The following NCSTN variants were observed in gnomAD, a reference collection of about 807,000 sequenced individuals.
The protein encoded by NCSTN is anterior pharynx-defective 2.
Under a neutral mutation model 87.0 loss-of-function variants are expected in NCSTN, and 22 were observed. The observed-to-expected ratio is 0.25, with a 90% CI of 0.18 to 0.36. The LOEUF is 0.36. Ranked by LOEUF, NCSTN falls within the 10% of genes least tolerant of loss-of-function variation. The pLI is 1.00. For synonymous variants in NCSTN, 306 were observed against 327.1 expected, an observed-to-expected ratio of 0.94 and a Z score of 0.69; for missense variants, 693 against 883.3, an observed-to-expected ratio of 0.78 and a Z score of 2.73.
rs200012785 is a variant in NCSTN at position 160,358,522 on chromosome 1, A to G, written c.*251A>G. The G allele has an allele frequency of 4.1e-4, 225 of 545,822 alleles. 1 individual carries two copies. The highest frequency in any genetic ancestry group is 3.6e-3 in the African/African-American group (190 of 52,718). The allele number at this position is 545,822 out of a possible 1,614,324, so 33.8% of individuals were successfully genotyped here. ...TCTACTCATGCCAGATTTTGGGATT[A>G]CAAATAGAAGCTTCTTGCTCCTGTT... On this transcript the variant is annotated 3_prime_UTR_variant, in exon 17 of 17. Coordinates refer to ENST00000294785, the MANE Select transcript of NCSTN (RefSeq NM_015331.3).
At position 160,356,352 on chromosome 1, in the gene NCSTN, G is replaced by A. The variant is rs1410146351; in HGVS notation, c.1639+5G>A. The A allele has an allele frequency of 1.2e-6, 2 of 1,601,024 alleles. No homozygotes were observed. The highest frequency in any genetic ancestry group is 8.6e-7 in the Non-Finnish European group (1 of 1,168,008). ...AGGACCTAAGGTCCTACTTGGGTAA[G>A]CATCTGGTGTGGGAATGGGACCCTT... On this transcript the variant is annotated splice_donor_5th_base_variant and intron_variant, in intron 14 of 16. Coordinates refer to ENST00000294785, the MANE Select transcript of NCSTN (RefSeq NM_015331.3).
At chr1:160,356,849 A>T in intron 15 of NCSTN, 95 bp downstream of exon 15, 1 of 1,532,458 alleles carries the variant, frequency 6.5e-7, no homozygotes, top group East Asian at 2.3e-5. Flanking sequence ...GGGGATTGGG[A>T]TGGAGAGGTG....
Position 160,358,190 on chromosome 1 carries a change from C to T in NCSTN, c.2049C>T (p.Ser683=), listed in dbSNP as rs1354242230. Residue 683 remains serine (S), a synonymous_variant, in exon 17 of 17, where the codon TCC becomes TCT. Transcript: ENST00000294785. The stretch of plus-strand genomic sequence containing the variant: ...TGGGCTTCGGCATCCTCATCTTCTC[C>T]CTCATCGTCACCTACTGCATCAATG... The part of the protein sequence containing the change: ...LTVGFGILIF[S]LIVTYCINAK... The T allele has an allele frequency of 6.2e-7, 1 of 1,614,178 alleles. No individual in the cohort carries two copies. The highest frequency in any genetic ancestry group is 2.2e-5 in the East Asian group (1 of 44,878).
chr1:160,344,921 TTA>T, intron 2 of NCSTN, 95 bp downstream of exon 2: 1 of 1,046,898 alleles, frequency 9.6e-7, no homozygotes, highest in South Asian at 1.3e-5. Context: ...GATTTGACAC[TTA>T]TATTGGACTG....
intron 16 of NCSTN, 81 bp from the exon 17 acceptor site, chr1:160,358,068 C>T: frequency 6.3e-7 from 1 of 1,599,258 alleles, no homozygotes; most frequent in Non-Finnish European, 8.6e-7. Flanking sequence ...CCCATGGCTC[C>T]AAACCCCAAA....
chr1:160,358,681 G>T lies in NCSTN; in HGVS notation c.*410G>T. ...TTCCTGACTGGGAAGGACATAAAAG[G>T]TTTAATGTCAGGGTCAAACTACATT... On this transcript the variant is annotated 3_prime_UTR_variant, in exon 17 of 17. Transcript: ENST00000294785. 3.3e-6 allele frequency: 1 copy of T among 304,916 alleles called. No homozygotes were observed. The highest frequency in any genetic ancestry group is 6.4e-6 in the Non-Finnish European group (1 of 156,276). The allele number at this position is 304,916 out of a possible 1,614,324, so 18.9% of individuals were successfully genotyped here.
At chr1:160,357,340 A>G (rs1224843943) in intron 16 of NCSTN, 87 bp downstream of exon 16, 23 of 1,333,514 alleles carry the variant, frequency 1.7e-5, no homozygotes, top group Non-Finnish European at 2.4e-5. Flanking sequence ...TCCATCTCCC[A>G]TTTGCCCCAC....
intron 1 of NCSTN, 39 bp downstream of exon 1, chr1:160,343,520 G>A (rs1342277461): frequency 6.4e-7 from 1 of 1,557,056 alleles, no homozygotes; most frequent in Admixed American, 1.9e-5. Context: ...TCTCTAAGGG[G>A]AACTCTCGGA....
intron 10 of NCSTN, chr1:160,353,724 G>A (rs1051289978): frequency 9.1e-6 from 9 of 984,480 alleles, no homozygotes; most frequent in African/African-American, 3.5e-5. Flanking sequence ...CCCTGCTCTG[G>A]ACTCCTGTAG....
rs1455020999 is a variant in NCSTN, at chr1:160,350,145, C to T, written c.477C>T (p.Cys159=). ...CCTATGGGCCAGAGTTTGCTCACTG[C>T]AGAGAAATACAGTGGAATTCGCTGG... ...SNSYGPEFAH[C]REIQWNSLGN... Residue 159 remains cysteine (C), a synonymous_variant, in exon 5 of 17, where the codon TGC becomes TGT. Transcript: ENST00000294785. The T allele has an allele frequency of 6.2e-7, 1 of 1,613,958 alleles. No homozygotes were observed. The highest frequency in any genetic ancestry group is 1.7e-5 in the Admixed American group (1 of 60,016).
chr1:160,349,415 T>C (rs945538532), intron 3 of NCSTN, 134 bp from the exon 4 acceptor site: 9 of 1,302,208 alleles, frequency 6.9e-6, no homozygotes, highest in Non-Finnish European at 1.0e-5. Flanking sequence ...ACTCAGAATT[T>C]AGAGACTGAA....
chr1:160,356,842 G>T, intron 15 of NCSTN, 88 bp downstream of exon 15: 2 of 1,548,946 alleles, frequency 1.3e-6, no homozygotes, highest in South Asian at 2.3e-5. Context: ...AGACCCAGGG[G>T]ATTGGGATGG....
At position 160,349,614 on chromosome 1, in the gene NCSTN, A is replaced by T. The variant is rs1275158645; in HGVS notation, c.380A>T (p.Lys127Met). The T allele has an allele frequency of 6.2e-7, 1 of 1,614,176 alleles. No individual in the cohort carries two copies. The highest frequency in any genetic ancestry group is 8.5e-7 in the Non-Finnish European group (1 of 1,180,020). Reference sequence around the variant, plus strand: ...GCTGGTCTTGCAGTGTCCTTGACCAAGCCCAGTCCTGCCTCAGGCTTCTCT... The same window carrying T: ...GCTGGTCTTGCAGTGTCCTTGACCATGCCCAGTCCTGCCTCAGGCTTCTCT... The part of the protein sequence containing the change: ...RIAGLAVSLT[K>M]PSPASGFSPS... The change falls in exon 4 of 17, where the codon AAG (lysine) becomes ATG (methionine). Residue 127 changes from lysine to methionine, a missense_variant. This residue lies in a region of NCSTN where 235 missense variants were observed against 233.9 expected (regional missense o/e 1.00). Coordinates refer to ENST00000294785, the MANE Select transcript of NCSTN (RefSeq NM_015331.3).
intron 2 of NCSTN, among the ~76,000 whole-genome samples, chr1:160,346,710 A>G (rs1413095084): frequency 6.6e-6 from 1 of 152,070 alleles, no homozygotes; most frequent in Non-Finnish European, 1.5e-5. Flanking sequence ...GGTTAAAGCA[A>G]TTCTCCTGTC....
chr1:160,355,983 T>C, intron 13 of NCSTN, 25 bp downstream of exon 13: 1 of 1,577,000 alleles, frequency 6.3e-7, no homozygotes, highest in Non-Finnish European at 8.7e-7. Flanking sequence ...CCTAGCTCCT[T>C]CTTTCTATTT....
In NCSTN at chr1:160,354,167, C is replaced by T. The variant is rs147225198; in HGVS notation, c.1229C>T (p.Ala410Val). ...TLEKSGAGVP[A>V]VILRRPNQSQ... ...GAGAAGAGTGGTGCTGGTGTCCCTGCTGTCATCCTCAGGAGGCCAAATCAG... is the reference window on the plus strand; with the variant it reads ...GAGAAGAGTGGTGCTGGTGTCCCTGTTGTCATCCTCAGGAGGCCAAATCAG... Residue 410 changes from alanine to valine, a missense_variant, in exon 11 of 17, where the codon GCT becomes GTT. Transcript: ENST00000294785. 2.1e-4 allele frequency: 343 copies of T among 1,614,056 alleles called. No individual in the cohort carries two copies. Among genetic ancestry groups the T allele is most frequent in the Non-Finnish European group, 2.6e-4 (311 of 1,180,026 alleles).
intron 11 of NCSTN, among the ~76,000 whole-genome samples, chr1:160,355,166 T>C (rs1649061982): frequency 6.6e-6 from 1 of 152,204 alleles, no homozygotes; most frequent in African/African-American, 2.4e-5. Context: ...ATCTATCTCC[T>C]TGGGGCTCCA....
chr1:160,351,093 A>G (rs1648811608), intron 5 of NCSTN, 129 bp from the exon 6 acceptor site: 4 of 937,052 alleles, frequency 4.3e-6, no homozygotes, highest in Non-Finnish European at 6.9e-6. Context: ...ACTATAGCTC[A>G]GGGATAAATG....
chr1:160,350,173 A>G lies in NCSTN; in HGVS notation c.505A>G (p.Asn169Asp), dbSNP rs1179044920. The G allele has an allele frequency of 1.9e-6, 3 of 1,613,988 alleles. No individual in the cohort carries two copies. Among genetic ancestry groups the G allele is most frequent in the African/African-American group, 1.3e-5 (1 of 74,924 alleles). Residue 169 changes from asparagine (N) to aspartate (D), a missense_variant, in exon 5 of 17, where the codon AAT (asparagine) becomes GAT (aspartate). Coordinates refer to ENST00000294785, the MANE Select transcript of NCSTN (RefSeq NM_015331.3). ...CREIQWNSLG[N>D]GLAYEDFSFP... The stretch of plus-strand genomic sequence containing the variant: ...AGAAATACAGTGGAATTCGCTGGGC[A>G]ATGGTTTGGCTTATGAAGACTTTAG...
Sources: allele counts gnomAD v4.1 joint callset (sites outside exome capture counted in the v4.1 genomes callset), GRCh38; gene constraint gnomAD v4.1.1; regional missense constraint gnomAD v4.1.1; transcripts MANE v1.5; gene names NCBI Gene and HGNC (gene_info 2026-07-23, HGNC 2026-07-21).